The following SNHG17 variants were observed in gnomAD, a reference collection of about 807,000 sequenced individuals.
SNHG17 encodes small nucleolar RNA host gene 17.
At chr20:38,434,760 C>T (rs1162571385) in intron 1 of SNHG17, 1 of 846,146 alleles carries the variant, frequency 1.2e-6, no homozygotes, top group East Asian at 1.0e-4. Flanking sequence ...AATGAAGGTT[C>T]TAACACCTAC....
exon 6 of SNHG17, chr20:38,422,095 C>T (rs3752276): frequency 0.041 from 6,322 of 152,442 alleles, 164 homozygotes; most frequent in East Asian, 0.098. Context: ...ACTTTACCCA[C>T]GCAGATTTCC....
intron 2 of SNHG17, among the ~76,000 whole-genome samples, chr20:38,431,565 T>C (rs976951861): frequency 6.6e-6 from 1 of 152,092 alleles, no homozygotes; most frequent in Non-Finnish European, 1.5e-5. Context: ...GGAAAGACCC[T>C]CCAGATGAGA....
At chr20:38,426,995 TACACACACACACACACACACAC>T (rs765781057) in intron 3 of SNHG17, among the ~76,000 whole-genome samples, 1 of 125,580 alleles carries the variant, frequency 8.0e-6, no homozygotes, top group Non-Finnish European at 1.7e-5. Context: ...AAGTTACACA[TACACACACACACACACACACAC>T]ACACACACAC....
chr20:38,431,503 G>A (rs2084341277), intron 2 of SNHG17, among the ~76,000 whole-genome samples: 1 of 152,224 alleles, frequency 6.6e-6, no homozygotes, highest in Admixed American at 6.5e-5. Flanking sequence ...GGATGAAGCA[G>A]CTTCCATCTT....
chr20:38,427,085 C>G (rs1477464555), intron 3 of SNHG17, among the ~76,000 whole-genome samples: 1 of 139,556 alleles, frequency 7.2e-6, no homozygotes, highest in African/African-American at 2.6e-5. Flanking sequence ...GTTTATATGC[C>G]AATATTGCAC....
chr20:38,424,463 G>A (rs1233390403), intron 5 of SNHG17, among the ~76,000 whole-genome samples: 1 of 152,198 alleles, frequency 6.6e-6, no homozygotes, highest in Non-Finnish European at 1.5e-5. Context: ...CAGGACTGAA[G>A]GTGGACTGTA....
chr20:38,434,024 T>C, intron 2 of SNHG17: 1 of 517,510 alleles, frequency 1.9e-6, no homozygotes, highest in Non-Finnish European at 3.9e-6. Context: ...TGAGCCCACG[T>C]CAGCGTGTTA....
chr20:38,422,838 C>T lies in SNHG17; in HGVS notation n.580-597G>A, dbSNP rs576334245. On this transcript the variant is annotated intron_variant and non_coding_transcript_variant, in intron 5 of 8. Coordinates refer to ENST00000654008, the Ensembl canonical transcript of SNHG17. Reference sequence around the variant, plus strand: ...AGGCGCGGTGGCTCACACCTGTAATCCCAGTACTTTGGGGGGCCGAGGTGG... The same window carrying T: ...AGGCGCGGTGGCTCACACCTGTAATTCCAGTACTTTGGGGGGCCGAGGTGG... Among the ~76,000 whole-genome samples the T allele has an allele frequency of 1.4e-4, 21 of 152,246 alleles. No homozygotes were observed. The East Asian group carries it at 3.3e-3, about 24-fold the overall frequency.
chr20:38,421,019 A>T (rs1349321025), exon 7 of SNHG17: 1 of 152,246 alleles, frequency 6.6e-6, no homozygotes, highest in East Asian at 1.9e-4. Context: ...GGTGAGAAAT[A>T]TCAGCAAACC....
At position 38,423,786 on chromosome 20, in the gene SNHG17, C is replaced by T. The variant is rs1043843984; in HGVS notation, n.580-1545G>A. On this transcript the variant is annotated intron_variant and non_coding_transcript_variant, in intron 5 of 8. Transcript: ENST00000654008. Reference sequence around the variant, plus strand: ...TATGTGAGATAACAGACATGCTCATCGGCTTCACCATAGTAACCACTGTGC... The same window carrying T: ...TATGTGAGATAACAGACATGCTCATTGGCTTCACCATAGTAACCACTGTGC... Among the ~76,000 whole-genome samples the T allele has an allele frequency of 3.9e-5, 6 of 152,140 alleles. 1 individual carries two copies. Among genetic ancestry groups the T allele is most frequent in the Non-Finnish European group, 5.9e-5 (4 of 68,022 alleles).
chr20:38,432,455 C>T (rs2084355152), intron 2 of SNHG17, among the ~76,000 whole-genome samples: 1 of 152,198 alleles, frequency 6.6e-6, no homozygotes, highest in Admixed American at 6.5e-5. Flanking sequence ...GCTGATTACA[C>T]ATCTCACTCT....
intron 4 of SNHG17, chr20:38,426,300 C>G (rs1004286384): frequency 6.6e-6 from 1 of 152,282 alleles, no homozygotes; most frequent in African/African-American, 2.4e-5. Flanking sequence ...CCCTGTGGGC[C>G]TCAGTGGAAG....
intron 6 of SNHG17, chr20:38,421,392 T>C (rs933487007): frequency 2.0e-5 from 3 of 152,256 alleles, no homozygotes; most frequent in Admixed American, 1.3e-4. Flanking sequence ...TGATGGTGCC[T>C]GTGGAAACAA....
chr20:38,426,909 C>T (rs527339716), intron 3 of SNHG17, among the ~76,000 whole-genome samples: 11 of 149,740 alleles, frequency 7.3e-5, no homozygotes, highest in South Asian at 6.5e-4. Context: ...CTCTTTCTTA[C>T]GACAAACCCT....
exon 6 of SNHG17, chr20:38,422,115 TCCTCTGCAACAGCCACTGAA>T (rs1416117579): frequency 5.9e-5 from 9 of 152,264 alleles, no homozygotes; most frequent in African/African-American, 1.9e-4. Context: ...CGGAGGCTCT[TCCTCTGCAACAGCCACTGAA>T]AGCATGTGAG....
intron 6 of SNHG17, chr20:38,421,441 G>A (rs973102247): frequency 3.3e-5 from 5 of 152,178 alleles, no homozygotes; most frequent in East Asian, 1.9e-4. Context: ...CCCGTGATTC[G>A]CAGTTCTCAC....
At position 38,429,727 on chromosome 20, in the gene SNHG17, G is replaced by A. The variant is rs543536989; in HGVS notation, n.380+1314C>T. 45 of 513,780 alleles carry A rather than the reference G, an allele frequency of 8.8e-5. 1 individual carries two copies. Among genetic ancestry groups the A allele is most frequent in the South Asian group, 6.3e-4 (45 of 70,968 alleles). The allele number at this position is 513,780 out of a possible 1,614,324, so 31.8% of individuals were successfully genotyped here. ...GAGTGGACCCTCCAAACACGGGGAA[G>A]TGCTCTCGGCAGTTCCTCTCCCTGC... On this transcript the variant is annotated intron_variant and non_coding_transcript_variant, in intron 3 of 8. Coordinates refer to ENST00000654008, the Ensembl canonical transcript of SNHG17.
At chr20:38,434,036 C>G (rs2084385983) in intron 2 of SNHG17, 1 of 514,716 alleles carries the variant, frequency 1.9e-6, no homozygotes, top group Non-Finnish European at 3.9e-6. Context: ...AGCGTGTTAG[C>G]TGCCAGATCT....
chr20:38,426,281 G>A (rs2084247827), intron 4 of SNHG17: 1 of 152,384 alleles, frequency 6.6e-6, no homozygotes, highest in Middle Eastern at 3.4e-3. Context: ...AAAAGAGGGT[G>A]TCACATGTCC....
Sources: allele counts gnomAD v4.1 joint callset (sites outside exome capture counted in the v4.1 genomes callset), GRCh38; gene constraint gnomAD v4.1.1; transcripts MANE v1.5; gene names NCBI Gene and HGNC (gene_info 2026-07-23, HGNC 2026-07-21).